The following CDC5L variants were observed in gnomAD, a reference collection of about 807,000 sequenced individuals.
CDC5L encodes cell division cycle 5 like.
A neutral mutation model predicts 104.1 loss-of-function variants in CDC5L; 18 were observed. The ratio of observed to expected loss-of-function variants is 0.17; its 90% confidence interval spans 0.12 to 0.26. The LOEUF (loss-of-function observed/expected upper bound fraction) is 0.26, where lower values mean the gene tolerates loss of function less well. CDC5L is among the 10% of genes least tolerant of loss of function. The probability of loss-of-function intolerance (pLI) is 1.00; values close to 1 mark genes in which losing one functional copy is unlikely to be tolerated. For synonymous variants in CDC5L, 331 were observed against 322.7 expected, an observed-to-expected ratio of 1.03 and a Z score of -0.28; for missense variants, 673 against 956.9, an observed-to-expected ratio of 0.70 and a Z score of 3.91.
chr6:44,399,881 G>C (rs999208982), intron 5 of CDC5L, among the ~76,000 whole-genome samples: 1 of 151,922 alleles, frequency 6.6e-6, no homozygotes, highest in Admixed American at 6.6e-5. Context: ...TTGATCTCTT[G>C]ACCTCGTGAT....
At chr6:44,414,254 T>C (rs1194237234) in intron 8 of CDC5L, among the ~76,000 whole-genome samples, 1 of 151,990 alleles carries the variant, frequency 6.6e-6, no homozygotes, top group African/African-American at 2.4e-5. Context: ...TAATTTTTTA[T>C]TTTTGTAGAG....
intron 9 of CDC5L, among the ~76,000 whole-genome samples, chr6:44,421,026 C>G (rs368572846): frequency 6.6e-6 from 1 of 152,148 alleles, no homozygotes; most frequent in East Asian, 1.9e-4. Flanking sequence ...AATCCCTTGC[C>G]GTTCCCGAAT....
intron 14 of CDC5L, among the ~76,000 whole-genome samples, chr6:44,436,521 T>C (rs1359786855): frequency 3.3e-5 from 5 of 152,218 alleles, no homozygotes; most frequent in Non-Finnish European, 7.4e-5. Flanking sequence ...TTCACTACAT[T>C]GATGTTTCAT....
chr6:44,442,375 T>G (rs1000867967), intron 14 of CDC5L, among the ~76,000 whole-genome samples: 18 of 145,024 alleles, frequency 1.2e-4, no homozygotes, highest in African/African-American at 2.8e-4. Context: ...TGTGTGTATG[T>G]TGTGTGTGTG....
intron 1 of CDC5L, among the ~76,000 whole-genome samples, chr6:44,390,042 A>T (rs11571909): frequency 4.6e-4 from 70 of 152,236 alleles, no homozygotes; most frequent in Non-Finnish European, 9.7e-4. Flanking sequence ...AGTGTGGTGT[A>T]AGGGTGGGTA....
chr6:44,419,797 A>G (rs1219487737), intron 9 of CDC5L, among the ~76,000 whole-genome samples, 200 bp downstream of exon 9: 1 of 152,072 alleles, frequency 6.6e-6, no homozygotes, highest in Non-Finnish European at 1.5e-5. Flanking sequence ...TTTAAGATGG[A>G]GTCTCGCTCT....
intron 8 of CDC5L, among the ~76,000 whole-genome samples, chr6:44,414,434 T>A (rs866828122): frequency 1.7e-4 from 24 of 145,244 alleles, no homozygotes; most frequent in Admixed American, 8.4e-4. Context: ...GTGTGTGTAT[T>A]TTTTTTTAGA....
At chr6:44,399,345 TTC>T (rs1335358554) in intron 5 of CDC5L, among the ~76,000 whole-genome samples, 1 of 152,238 alleles carries the variant, frequency 6.6e-6, no homozygotes. Context: ...TTACTTGGAG[TTC>T]ATTGAGCTTA....
chr6:44,387,714 C>T lies in CDC5L; in HGVS notation c.-110C>T. ...CTTGCGCTTGCGCAGATCTTCAAAG[C>T]AGAAGGTCGCGCTTGGAGGAAGTGG... On this transcript the variant is annotated 5_prime_UTR_variant, in exon 1 of 16. Transcript: ENST00000371477. The T allele has an allele frequency of 3.1e-6, 3 of 968,402 alleles. No homozygotes were observed. Among genetic ancestry groups the T allele is most frequent in the Non-Finnish European group, 4.8e-6 (3 of 622,254 alleles). The allele number at this position is 968,402 out of a possible 1,614,324, so 60.0% of individuals were successfully genotyped here. A position where few individuals can be genotyped will look rare whatever the true frequency, so the allele number is the denominator to read the frequency against.
chr6:44,438,039 C>T (rs1793014413), intron 14 of CDC5L, among the ~76,000 whole-genome samples: 1 of 152,118 alleles, frequency 6.6e-6, no homozygotes, highest in Non-Finnish European at 1.5e-5. Flanking sequence ...TGCCTCCAAC[C>T]TCTCAGGCTT....
intron 8 of CDC5L, among the ~76,000 whole-genome samples, chr6:44,418,881 G>A (rs1402034058): frequency 2.3e-5 from 3 of 130,058 alleles, no homozygotes; most frequent in Non-Finnish European, 4.8e-5. Flanking sequence ...TGAGTTCATT[G>A]TAGATTCTGG....
chr6:44,398,763 G>A (rs1790987505), intron 5 of CDC5L, among the ~76,000 whole-genome samples: 1 of 152,094 alleles, frequency 6.6e-6, no homozygotes, highest in Admixed American at 6.6e-5. Context: ...ATTATTTAAA[G>A]AATGAAATTA....
At chr6:44,430,031 T>C in intron 14 of CDC5L, 121 bp downstream of exon 14, 1 of 707,124 alleles carries the variant, frequency 1.4e-6, no homozygotes, top group Non-Finnish European at 2.3e-6. Flanking sequence ...TTTTTAGTTG[T>C]TGGAGAAAAC....
At chr6:44,403,490 G>A (rs1791226395) in intron 5 of CDC5L, among the ~76,000 whole-genome samples, 1 of 151,886 alleles carries the variant, frequency 6.6e-6, no homozygotes, top group Admixed American at 6.6e-5. Flanking sequence ...ATAGATGAGT[G>A]GATTAAAAGG....
At chr6:44,436,998 G>A (rs1394761370) in intron 14 of CDC5L, among the ~76,000 whole-genome samples, 1 of 152,126 alleles carries the variant, frequency 6.6e-6, no homozygotes, top group Non-Finnish European at 1.5e-5. Flanking sequence ...ACAGTGTGGT[G>A]GCTTCTAAAG....
chr6:44,426,778 G>A (rs1581656760), intron 13 of CDC5L, 54 bp downstream of exon 13: 3 of 1,549,884 alleles, frequency 1.9e-6, no homozygotes, highest in Admixed American at 1.8e-5. Flanking sequence ...GTTAGGTGCT[G>A]TGTATCATGG....
At chr6:44,394,986 GT>G (rs1364838926) in intron 4 of CDC5L, among the ~76,000 whole-genome samples, 1 of 150,592 alleles carries the variant, frequency 6.6e-6, no homozygotes, top group African/African-American at 2.4e-5. Flanking sequence ...GGCAGTAGAA[GT>G]CATTATGTTC....
chr6:44,442,174 A>G (rs1335394330), intron 14 of CDC5L, among the ~76,000 whole-genome samples: 1 of 152,108 alleles, frequency 6.6e-6, no homozygotes, highest in Admixed American at 6.5e-5. Flanking sequence ...TGATCTCATG[A>G]TAGACCCACC....
At position 44,403,865 on chromosome 6, in the gene CDC5L, A is replaced by G; in HGVS notation, c.596A>G (p.Gln199Arg). ...CTTCGAGCAGCTGGCATAGAAATTCAGAAGAAAAGAAAAAGGAAGAGAGGA... is the reference window on the plus strand; with the variant it reads ...CTTCGAGCAGCTGGCATAGAAATTCGGAAGAAAAGAAAAAGGAAGAGAGGA... ...RELRAAGIEI[Q>R]KKRKRKRGVD... Residue 199 changes from glutamine to arginine, a missense_variant, in exon 6 of 16, where the codon CAG becomes CGG. Gln to Arg is a conservative substitution (Grantham distance 43). Transcript: ENST00000371477. The G allele has an allele frequency of 1.2e-6, 2 of 1,613,350 alleles. No individual in the cohort carries two copies. Among genetic ancestry groups the G allele is most frequent in the Non-Finnish European group, 1.7e-6 (2 of 1,179,828 alleles).
Sources: allele counts gnomAD v4.1 joint callset (sites outside exome capture counted in the v4.1 genomes callset), GRCh38; gene constraint gnomAD v4.1.1; transcripts MANE v1.5; gene names NCBI Gene and HGNC (gene_info 2026-07-23, HGNC 2026-07-21).